MTCL1: variants seen among roughly 807,000 people sequenced by gnomAD.
The protein encoded by MTCL1 is microtubule crosslinking factor 1.
A neutral mutation model predicts 141.4 loss-of-function variants in MTCL1; 79 were observed. The observed-to-expected ratio is 0.56, with a 90% CI of 0.47 to 0.67. The LOEUF (loss-of-function observed/expected upper bound fraction) is 0.67, where lower values mean the gene tolerates loss of function less well. MTCL1 is among the 30% of genes least tolerant of loss of function. The pLI is 0.00. For missense variants in MTCL1, 2,177 were observed against 2,113.9 expected, an observed-to-expected ratio of 1.03 and a Z score of -0.59; for synonymous variants, 914 against 875.8, an observed-to-expected ratio of 1.04 and a Z score of -0.77.
intron 6 of MTCL1, 157 bp from the exon 6 acceptor site, chr18:8,785,779 C>G: frequency 1.2e-6 from 1 of 817,770 alleles, no homozygotes; most frequent in Non-Finnish European, 1.9e-6. Context: ...TGTTTCTGTT[C>G]GTGCTGTTCT....
chr18:8,716,569 ATTTTTTTTTTTT>A (rs138840096), upstream of MTCL1, among the ~76,000 whole-genome samples: 5 of 103,896 alleles, frequency 4.8e-5, no homozygotes, highest in Non-Finnish European at 7.5e-5. Context: ...CTTTTTGTTC[ATTTTTTTTTTTT>A]TTTTTTTTTG....
chr18:8,769,110 T>A (rs1043909417), intron 4 of MTCL1, among the ~76,000 whole-genome samples: 2 of 152,208 alleles, frequency 1.3e-5, no homozygotes, highest in Non-Finnish European at 2.9e-5. Flanking sequence ...CAGAATATTT[T>A]CTAAAAGACA....
intron 4 of MTCL1, among the ~76,000 whole-genome samples, chr18:8,773,707 T>C (rs1275252824): frequency 6.6e-6 from 1 of 152,240 alleles, no homozygotes; most frequent in Non-Finnish European, 1.5e-5. Context: ...GATTTATCTG[T>C]ATATAGTGTG....
intron 4 of MTCL1, among the ~76,000 whole-genome samples, chr18:8,727,243 C>T (rs1192555704): frequency 6.6e-6 from 1 of 152,126 alleles, no homozygotes; most frequent in African/African-American, 2.4e-5. Context: ...TGCTATTGTG[C>T]ATATTGCTTC....
chr18:8,826,367 G>A, intron 15 of MTCL1, 135 bp downstream of exon 14: 1 of 890,164 alleles, frequency 1.1e-6, no homozygotes, highest in South Asian at 2.0e-5. Context: ...GAGCTGGGGA[G>A]GTGTTAGGTT....
At chr18:8,761,797 T>A (rs892904410) in intron 4 of MTCL1, among the ~76,000 whole-genome samples, 1 of 152,200 alleles carries the variant, frequency 6.6e-6, no homozygotes, top group Non-Finnish European at 1.5e-5. Context: ...TTATTCATTA[T>A]CACGAGAACA....
chr18:8,731,750 C>T (rs373703716), intron 4 of MTCL1, among the ~76,000 whole-genome samples: 357 of 152,140 alleles, frequency 2.3e-3, no homozygotes, highest in Middle Eastern at 3.4e-3. Flanking sequence ...ACCCTGTCAC[C>T]CAGGCTGGAG....
chr18:8,816,532 T>C (rs1022834029), intron 12 of MTCL1, among the ~76,000 whole-genome samples: 2 of 152,206 alleles, frequency 1.3e-5, no homozygotes, highest in Non-Finnish European at 2.9e-5. Context: ...AGGAGACTTT[T>C]ATGGAGTCAC....
At chr18:8,709,181 AT>A in intron 1 of MTCL1, among the ~76,000 whole-genome samples, 1 of 144,886 alleles carries the variant, frequency 6.9e-6, no homozygotes, top group Non-Finnish European at 1.5e-5. Flanking sequence ...TTTCAGGGGT[AT>A]TTTTTCCGTT....
At chr18:8,750,066 CAG>C (rs1461593463) in intron 4 of MTCL1, among the ~76,000 whole-genome samples, 2 of 151,864 alleles carry the variant, frequency 1.3e-5, no homozygotes, top group Non-Finnish European at 2.9e-5. Flanking sequence ...TATTTTGAGA[CAG>C]AGTCTCATTC....
chr18:8,832,008 T>C (rs2077206445), exon 17 of MTCL1: 1 of 644,994 alleles, frequency 1.6e-6, no homozygotes, highest in East Asian at 2.8e-5. Flanking sequence ...AATAACTTAA[T>C]TTTTTTCATA....
chr18:8,828,147 T>C lies in MTCL1; in HGVS notation c.4723-761T>C, dbSNP rs8093530. 6.2e-4 allele frequency among the ~76,000 whole-genome samples: 95 copies of C among 152,366 alleles called. No homozygotes were observed. Among genetic ancestry groups the C allele is most frequent in the African/African-American group, 2.2e-3 (91 of 41,590 alleles). ...CCCCTTCCCATTGCTCCATGAATTATGCAGTAGTTCTCGGTATGCGTTCCC... is the reference window on the plus strand; with the variant it reads ...CCCCTTCCCATTGCTCCATGAATTACGCAGTAGTTCTCGGTATGCGTTCCC... On this transcript the variant is annotated intron_variant, in intron 15 of 16. Transcript: ENST00000359865. The surrounding 1 kb of genome is among the most constrained non-coding windows in gnomAD (Gnocchi z 5.2).
chr18:8,825,966 G>A, exon 15 of MTCL1: 1 of 1,598,340 alleles, frequency 6.3e-7, no homozygotes, highest in Non-Finnish European at 8.5e-7. Flanking sequence ...CCAGGAAACA[G>A]GCACCAATTC....
exon 17 of MTCL1, chr18:8,831,896 G>A: frequency 7.1e-7 from 1 of 1,404,856 alleles, no homozygotes. Context: ...GAGAGATCTA[G>A]TTTTCTCAAG....
intron 5 of MTCL1, among the ~76,000 whole-genome samples, chr18:8,781,312 AC>A (rs544218885): frequency 9.5e-4 from 144 of 152,196 alleles, no homozygotes; most frequent in Non-Finnish European, 9.6e-4. Context: ...TTCAAAAAAT[AC>A]GTCATTACCC....
chr18:8,723,599 A>G (rs2096187896), intron 4 of MTCL1, among the ~76,000 whole-genome samples: 1 of 152,156 alleles, frequency 6.6e-6, no homozygotes, highest in African/African-American at 2.4e-5. Flanking sequence ...GACTGTTTTC[A>G]GCTGCTTAGT....
intron 4 of MTCL1, among the ~76,000 whole-genome samples, chr18:8,744,084 G>T (rs1424335031): frequency 1.3e-5 from 2 of 152,192 alleles, no homozygotes; most frequent in Non-Finnish European, 2.9e-5. Flanking sequence ...ATGTCTTTAA[G>T]ATAAGAAAAC....
At chr18:8,733,513 C>A (rs1468625074) in intron 4 of MTCL1, among the ~76,000 whole-genome samples, 1 of 152,170 alleles carries the variant, frequency 6.6e-6, no homozygotes, top group African/African-American at 2.4e-5. Context: ...TCAAGCGATT[C>A]TCCTGCCTTG....
At chr18:8,744,084 G>A (rs1424335031) in intron 4 of MTCL1, among the ~76,000 whole-genome samples, 1 of 152,192 alleles carries the variant, frequency 6.6e-6, no homozygotes, top group Non-Finnish European at 1.5e-5. Flanking sequence ...ATGTCTTTAA[G>A]ATAAGAAAAC....
Sources: gnomAD v4.1 joint callset for allele counts (sites outside exome capture counted in the v4.1 genomes callset) on GRCh38, gnomAD v4.1.1 for gene constraint, Gnocchi (gnomAD v3.1) non-coding constraint, MANE v1.5 for transcripts, NCBI Gene and HGNC (gene_info 2026-07-23, HGNC 2026-07-21) for gene names.